The following FAM151B variants were observed in gnomAD, a reference collection of about 807,000 sequenced individuals.
The protein encoded by FAM151B is protein FAM151B.
In FAM151B, 24 loss-of-function variants were observed where a neutral mutation model predicts 31.2. The ratio of observed to expected loss-of-function variants is 0.77; its 90% CI spans 0.56 to 1.08. The LOEUF (loss-of-function observed/expected upper bound fraction) is 1.08, where lower values mean the gene tolerates loss of function less well. FAM151B is among the 50% of genes least tolerant of loss of function. The pLI is 0.00. For missense variants in FAM151B, 293 were observed against 328.6 expected, an observed-to-expected ratio of 0.89 and a Z score of 0.84; for synonymous variants, 105 against 111.4, an observed-to-expected ratio of 0.94 and a Z score of 0.36.
At chr5:80,516,916 AT>A (rs1744471479) in intron 3 of FAM151B, among the ~76,000 whole-genome samples, 1 of 152,238 alleles carries the variant, frequency 6.6e-6, no homozygotes, top group South Asian at 2.1e-4. Context: ...TAAATGGAAA[AT>A]TTGAGAAATA....
intron 3 of FAM151B, among the ~76,000 whole-genome samples, chr5:80,514,528 A>G (rs180712208): frequency 6.7e-6 from 1 of 149,734 alleles, no homozygotes; most frequent in Admixed American, 6.7e-5. Context: ...TAATATTTGG[A>G]GGCATTAATA....
At chr5:80,517,420 C>T (rs541961462) in intron 3 of FAM151B, among the ~76,000 whole-genome samples, 23 of 152,262 alleles carry the variant, frequency 1.5e-4, no homozygotes, top group Admixed American at 2.6e-4. Context: ...AGTTTGTTCT[C>T]AGTTCTTTTT....
intron 1 of FAM151B, among the ~76,000 whole-genome samples, chr5:80,493,008 G>A (rs1049960688): frequency 2.0e-5 from 3 of 152,136 alleles, no homozygotes; most frequent in Admixed American, 6.5e-5. Context: ...AGTGAGAAAA[G>A]CATTTCGAAA....
At chr5:80,517,295 A>C (rs545446262) in intron 3 of FAM151B, among the ~76,000 whole-genome samples, 2 of 151,914 alleles carry the variant, frequency 1.3e-5, no homozygotes, top group South Asian at 4.2e-4. Flanking sequence ...GGGAAAAAAA[A>C]CAGACTACAT....
intron 3 of FAM151B, among the ~76,000 whole-genome samples, chr5:80,516,497 AG>A (rs1744448445): frequency 6.6e-6 from 1 of 152,240 alleles, no homozygotes; most frequent in Admixed American, 6.5e-5. Context: ...ATAGGAAAAC[AG>A]GGTATGATAT....
At chr5:80,511,438 A>C (rs1744183404) in intron 2 of FAM151B, among the ~76,000 whole-genome samples, 1 of 145,970 alleles carries the variant, frequency 6.9e-6, no homozygotes, top group South Asian at 2.1e-4. Context: ...TCTGTCTCAA[A>C]AAAAAAAAAA....
At chr5:80,495,852 AAAAAAAAG>A (rs1208440919) in intron 1 of FAM151B, among the ~76,000 whole-genome samples, 2 of 151,150 alleles carry the variant, frequency 1.3e-5, no homozygotes, top group African/African-American at 2.4e-5. Context: ...AAAAAAAAAA[AAAAAAAAG>A]AACTAGTAAG....
At chr5:80,494,451 CTTTCT>C (rs1554055447) in intron 1 of FAM151B, among the ~76,000 whole-genome samples, 9 of 46,584 alleles carry the variant, frequency 1.9e-4, no homozygotes, top group South Asian at 6.6e-4. Context: ...CTTTTTCTTT[CTTTCT>C]TTTCTTTCTT....
chr5:80,493,261 T>A (rs1743388532), intron 1 of FAM151B, among the ~76,000 whole-genome samples: 1 of 152,204 alleles, frequency 6.6e-6, no homozygotes, highest in South Asian at 2.1e-4. Flanking sequence ...ATAATACGCT[T>A]ATAATTTCTT....
chr5:80,498,828 G>T, intron 1 of FAM151B: 1 of 425,960 alleles, frequency 2.3e-6, no homozygotes, highest in Middle Eastern at 8.5e-4. Flanking sequence ...GTCAGACAGA[G>T]TACCTCCATT....
intron 5 of FAM151B, among the ~76,000 whole-genome samples, chr5:80,535,858 C>G (rs529371909): frequency 6.6e-6 from 1 of 152,202 alleles, no homozygotes; most frequent in Non-Finnish European, 1.5e-5. Flanking sequence ...GGATTAATAA[C>G]TAGAATATAT....
chr5:80,538,357 G>T (rs986112431), intron 5 of FAM151B, among the ~76,000 whole-genome samples: 1 of 149,866 alleles, frequency 6.7e-6, no homozygotes, highest in Non-Finnish European at 1.5e-5. Context: ...ATGAGCCACC[G>T]CACCCAGCCT....
intron 5 of FAM151B, among the ~76,000 whole-genome samples, chr5:80,523,862 A>G (rs893911986): frequency 2.0e-5 from 3 of 152,166 alleles, no homozygotes; most frequent in Admixed American, 6.5e-5. Flanking sequence ...ACCAGACACT[A>G]TTCCAGTCAG....
In FAM151B at chr5:80,541,739, A is replaced by G; in HGVS notation, c.738A>G (p.Arg246=). Residue 246 remains arginine, a synonymous_variant, in exon 6 of 6, where the codon AGA becomes AGG. Transcript: ENST00000282226. ...CCGTTGAAGATTTACTTTACATTAG[A>G]GACCATTTTGACAAAAAACAAGTTT... ...NYSVEDLLYI[R]DHFDKKQVFY... The G allele has an allele frequency of 6.2e-7, 1 of 1,613,726 alleles. No individual in the cohort carries two copies.
At chr5:80,522,469 T>G (rs1350619318) in intron 5 of FAM151B, 1 of 172,456 alleles carries the variant, frequency 5.8e-6, no homozygotes, top group African/African-American at 2.4e-5. Flanking sequence ...TTCATCATAA[T>G]TTCAGAAATC....
chr5:80,507,997 T>C (rs1218465718), intron 2 of FAM151B, among the ~76,000 whole-genome samples: 1 of 152,372 alleles, frequency 6.6e-6, no homozygotes, highest in Middle Eastern at 3.4e-3. Context: ...AGACTTTTCC[T>C]GACTCCAGAA....
intron 3 of FAM151B, among the ~76,000 whole-genome samples, chr5:80,514,604 G>A (rs1334044811): frequency 6.6e-6 from 1 of 151,816 alleles, no homozygotes; most frequent in African/African-American, 2.4e-5. Flanking sequence ...TACTTTTGTA[G>A]TATTTTAGCA....
chr5:80,502,045 G>A, intron 2 of FAM151B, 128 bp downstream of exon 2: 1 of 491,036 alleles, frequency 2.0e-6, no homozygotes, highest in Non-Finnish European at 3.3e-6. Flanking sequence ...GCTGACATGA[G>A]TATTTTATTT....
At chr5:80,496,217 G>A (rs1450762126) in intron 1 of FAM151B, among the ~76,000 whole-genome samples, 3 of 152,134 alleles carry the variant, frequency 2.0e-5, no homozygotes, top group African/African-American at 7.2e-5. Flanking sequence ...TTGCCTTATT[G>A]TAAGAAATTG....
Sources: allele counts gnomAD v4.1 joint callset (sites outside exome capture counted in the v4.1 genomes callset), GRCh38; gene constraint gnomAD v4.1.1; transcripts MANE v1.5; gene names NCBI Gene and HGNC (gene_info 2026-07-23, HGNC 2026-07-21).